The following KANSL1 variants were observed in gnomAD, a reference collection of about 807,000 sequenced individuals.
KANSL1 encodes MLL1/MLL complex subunit KANSL1.
In KANSL1, 22 loss-of-function variants were observed where a neutral mutation model predicts 103.6. The observed-to-expected ratio is 0.21, with a 90% CI of 0.15 to 0.30. The LOEUF is 0.30. Among genes scored for constraint, KANSL1 ranks in the 10% least tolerant of loss-of-function variants. The probability of loss-of-function intolerance (pLI) is 1.00; values close to 1 mark genes in which losing one functional copy is unlikely to be tolerated. For synonymous variants in KANSL1, 600 were observed against 527.6 expected (o/e 1.14, Z -1.88); for missense variants, 1,337 against 1,399.8 (o/e 0.96, Z 0.72).
intron 3 of KANSL1, among the ~76,000 whole-genome samples, chr17:46,090,305 C>T (rs1006220233): frequency 3.3e-5 from 5 of 152,202 alleles, no homozygotes; most frequent in Non-Finnish European, 5.9e-5. Context: ...GCCTCCAGAA[C>T]GGTGAGAGAA....
chr17:46,174,972 T>C (rs2046450213), intron 1 of KANSL1, among the ~76,000 whole-genome samples: 1 of 152,252 alleles, frequency 6.6e-6, no homozygotes, highest in Non-Finnish European at 1.5e-5. Flanking sequence ...ACTTATTAAA[T>C]ATTTTTTAAA....
At chr17:46,216,788 T>C (rs1040875340) in intron 1 of KANSL1, among the ~76,000 whole-genome samples, 8 of 152,100 alleles carry the variant, frequency 5.3e-5, no homozygotes, top group Non-Finnish European at 1.2e-4. Context: ...CTGGGCTGAA[T>C]TGTGTTCCCC....
At chr17:46,082,712 T>C (rs112321293) in intron 3 of KANSL1, among the ~76,000 whole-genome samples, 170 bp from the exon 4 acceptor site, 106 of 152,232 alleles carry the variant, frequency 7.0e-4, no homozygotes, top group African/African-American at 2.4e-3. Flanking sequence ...CAAAGAGCTA[T>C]TTCAACAAGC....
At chr17:46,035,205 C>G (rs2077113264) in intron 10 of KANSL1, 1 of 152,388 alleles carries the variant, frequency 6.6e-6, no homozygotes, top group South Asian at 2.1e-4. Flanking sequence ...CAGAAGGAAA[C>G]AGTGGCATAA....
At chr17:46,034,363 G>T (rs2077091128) in intron 10 of KANSL1, 78 bp from the exon 11 acceptor site, 5 of 1,527,812 alleles carry the variant, frequency 3.3e-6, no homozygotes, top group Non-Finnish European at 4.5e-6. Flanking sequence ...GTTAAAGCAG[G>T]ATCACCAATA....
At chr17:46,183,323 T>C (rs1291937587) in intron 1 of KANSL1, among the ~76,000 whole-genome samples, 2 of 152,100 alleles carry the variant, frequency 1.3e-5, no homozygotes, top group South Asian at 2.1e-4. Flanking sequence ...CTCACACTTA[T>C]AAGCCCAGCA....
intron 4 of KANSL1, among the ~76,000 whole-genome samples, chr17:46,069,456 A>C (rs1000978645): frequency 2.0e-5 from 3 of 152,204 alleles, no homozygotes; most frequent in African/African-American, 7.2e-5. Flanking sequence ...CAAAAAGAAC[A>C]GACTGAGGCT....
At chr17:46,087,232 T>C (rs1256745956) in intron 3 of KANSL1, among the ~76,000 whole-genome samples, 25 of 152,222 alleles carry the variant, frequency 1.6e-4, no homozygotes, top group Non-Finnish European at 1.5e-5. Flanking sequence ...TAGTTTTAAT[T>C]AAACCTATTT....
chr17:46,185,442 T>C (rs1354732764), intron 1 of KANSL1, among the ~76,000 whole-genome samples: 1 of 152,200 alleles, frequency 6.6e-6, no homozygotes, highest in Non-Finnish European at 1.5e-5. Flanking sequence ...TTAAATGTGG[T>C]TACACAGCAT....
chr17:46,034,118 G>A, intron 11 of KANSL1, 43 bp downstream of exon 11: 2 of 1,607,594 alleles, frequency 1.2e-6, no homozygotes, highest in Non-Finnish European at 1.7e-6. Context: ...AAGGGCAATA[G>A]CAGGAAGAAT....
chr17:46,192,369 T>C (rs1452833694), intron 1 of KANSL1: 2 of 151,816 alleles, frequency 1.3e-5, no homozygotes, highest in East Asian at 3.9e-4. Flanking sequence ...TGACCTGAAT[T>C]TACAGGCAAC....
At chr17:46,072,877 T>C (rs532140565) in intron 4 of KANSL1, among the ~76,000 whole-genome samples, 6 of 152,350 alleles carry the variant, frequency 3.9e-5, no homozygotes, top group African/African-American at 1.4e-4. Context: ...GCCTAAGATT[T>C]ATGTTTACCA....
Position 46,105,935 on chromosome 17 carries a change from AC to A in KANSL1, c.1290-11235del, listed in dbSNP as rs1567680700. ...CACACACACACACACACACACACAC[AC>A]ACACACACACACCCCCCCAGAAGGG... is the stretch of plus-strand genomic sequence containing the variant. On this transcript the variant is annotated intron_variant, in intron 2 of 14. Coordinates refer to ENST00000432791, the MANE Select transcript of KANSL1 (RefSeq NM_015443.4). 6.2e-3 allele frequency among the ~76,000 whole-genome samples: 562 copies of A among 90,624 alleles called. 4 individuals carry two copies. Among genetic ancestry groups the A allele is most frequent in the Middle Eastern group, 0.011 (2 of 178 alleles). The allele number at this position is 90,624 out of a possible 152,430, so 59.5% of individuals were successfully genotyped here.
intron 4 of KANSL1, among the ~76,000 whole-genome samples, chr17:46,071,051 A>G (rs1013440469): frequency 1.3e-5 from 2 of 152,244 alleles, no homozygotes; most frequent in African/African-American, 2.4e-5. Context: ...TACTACTGCT[A>G]TAACAGCCTG....
intron 4 of KANSL1, among the ~76,000 whole-genome samples, chr17:46,081,928 T>C (rs955613235): frequency 1.3e-5 from 2 of 152,104 alleles, no homozygotes; most frequent in Non-Finnish European, 2.9e-5. Context: ...AACTATGGTA[T>C]TGAGAGAAAC....
intron 6 of KANSL1, among the ~76,000 whole-genome samples, chr17:46,059,645 A>AGAGAGAGAGAG (rs1378276594): frequency 0.014 from 202 of 14,658 alleles, no homozygotes; most frequent in South Asian, 0.043. Context: ...AAAAAAAAAA[A>AGAGAGAGAGAG]AAAGAGAGAG....
intron 1 of KANSL1, among the ~76,000 whole-genome samples, chr17:46,174,193 T>C (rs1488539275): frequency 6.6e-6 from 1 of 152,214 alleles, no homozygotes; most frequent in Non-Finnish European, 1.5e-5. Context: ...TGTGGATGTG[T>C]GTGTGTGTGT....
At chr17:46,217,339 G>A (rs564621881) in intron 1 of KANSL1, among the ~76,000 whole-genome samples, 39 of 152,120 alleles carry the variant, frequency 2.6e-4, no homozygotes, top group African/African-American at 7.7e-4. Flanking sequence ...AGCTAGGCAC[G>A]GTGGCGAGCA....
intron 2 of KANSL1, among the ~76,000 whole-genome samples, chr17:46,129,009 G>A (rs956681292): frequency 6.6e-6 from 1 of 152,196 alleles, no homozygotes; most frequent in Admixed American, 6.5e-5. Flanking sequence ...GCAGTCAAAT[G>A]AGGAATGTTA....
Sources: gnomAD v4.1 joint callset for allele counts (sites outside exome capture counted in the v4.1 genomes callset) on GRCh38, gnomAD v4.1.1 for gene constraint, MANE v1.5 for transcripts, NCBI Gene and HGNC (gene_info 2026-07-23, HGNC 2026-07-21) for gene names.